The following DCBLD2 variants were observed in gnomAD, a reference collection of about 807,000 sequenced individuals.
DCBLD2 encodes discoidin, CUB and LCCL domain containing 2, also known as discoidin, CUB and LCCL domain-containing protein 2.
In DCBLD2, 54 loss-of-function variants were observed where a neutral mutation model predicts 86.8. That is an observed-to-expected ratio of 0.62 (90% CI 0.50 to 0.78). DCBLD2 has a LOEUF of 0.78. DCBLD2 is among the 30% of genes least tolerant of loss of function. The pLI is 0.00. For missense variants in DCBLD2, 908 were observed against 954.2 expected (o/e 0.95, Z 0.64); for synonymous variants, 354 against 341.3 (o/e 1.04, Z -0.41).
intron 3 of DCBLD2, among the ~76,000 whole-genome samples, chr3:98,835,987 G>T (rs1942438764): frequency 7.8e-6 from 1 of 127,482 alleles, no homozygotes; most frequent in Non-Finnish European, 1.6e-5. Flanking sequence ...TCACATTGAG[G>T]AGAATCTAAA....
chr3:98,860,969 T>A (rs1205695339), intron 2 of DCBLD2, among the ~76,000 whole-genome samples: 1 of 152,150 alleles, frequency 6.6e-6, no homozygotes, highest in Admixed American at 6.5e-5. Context: ...TGTGCTGTAT[T>A]CAGGAGACCC....
chr3:98,822,108 T>C (rs1942130632), intron 6 of DCBLD2, 120 bp downstream of exon 6: 1 of 1,232,176 alleles, frequency 8.1e-7, no homozygotes, highest in Non-Finnish European at 1.2e-6. Flanking sequence ...ACTGCCTAAA[T>C]GTTCTTTCAT....
chr3:98,828,926 T>C (rs2107456413), intron 3 of DCBLD2, among the ~76,000 whole-genome samples: 1 of 152,324 alleles, frequency 6.6e-6, no homozygotes, highest in South Asian at 2.1e-4. Context: ...ACATACTATG[T>C]GATACATTTA....
intron 13 of DCBLD2, among the ~76,000 whole-genome samples, chr3:98,802,772 G>A (rs1576153384): frequency 6.6e-6 from 1 of 152,338 alleles, no homozygotes; most frequent in South Asian, 2.1e-4. Context: ...CATATGGCTA[G>A]CCAGTTTTCC....
intron 1 of DCBLD2, 200 bp downstream of exon 1, chr3:98,900,922 A>G: frequency 3.2e-6 from 3 of 945,342 alleles, no homozygotes; most frequent in Non-Finnish European, 4.6e-6. Context: ...CCTTGCCAAA[A>G]AGTAAAGCCG....
chr3:98,836,877 A>AC lies in DCBLD2; in HGVS notation c.572-11512dup, dbSNP rs1329297555. Among the ~76,000 whole-genome samples the AC allele has an allele frequency of 1.2e-3, 27 of 22,092 alleles. 2 individuals are homozygous for AC. The Admixed American group carries it at 0.012, about 10-fold the overall frequency. 14.5% of individuals were successfully genotyped at this position (22,092 alleles called of 152,430 possible). The stretch of plus-strand genomic sequence containing the variant: ...GCGGCTGGCCGGGCGGGGGGCCGAC[A>AC]CCCCCACCTCCCTCCCGGAGGGGGC... On this transcript the variant is annotated intron_variant, in intron 3 of 15. Transcript: ENST00000326840.
intron 2 of DCBLD2, among the ~76,000 whole-genome samples, chr3:98,867,709 T>C (rs1482967284): frequency 6.6e-6 from 1 of 152,132 alleles, no homozygotes; most frequent in East Asian, 1.9e-4. Flanking sequence ...GAGAGTTCAA[T>C]TGTCATCAGA....
At chr3:98,871,117 T>C (rs996621107) in intron 2 of DCBLD2, among the ~76,000 whole-genome samples, 7 of 152,086 alleles carry the variant, frequency 4.6e-5, no homozygotes, top group Non-Finnish European at 1.0e-4. Flanking sequence ...GCAGTAGTAC[T>C]GATGTGTGTA....
At chr3:98,894,856 G>A (rs1023038041) in intron 1 of DCBLD2, among the ~76,000 whole-genome samples, 10 of 152,052 alleles carry the variant, frequency 6.6e-5, no homozygotes, top group African/African-American at 2.4e-4. Context: ...ATAAGTATTA[G>A]AAATAAGAAA....
In DCBLD2 at chr3:98,797,542, CAT is replaced by C. The variant is rs1391549052; in HGVS notation, c.*1828_*1829del. The C allele has an allele frequency of 3.3e-5, 5 of 152,368 alleles. No individual in the cohort carries two copies. Among genetic ancestry groups the C allele is most frequent in the Non-Finnish European group, 7.4e-5 (5 of 67,992 alleles). 9.4% of individuals were successfully genotyped at this position (152,368 alleles called of 1,614,324 possible). On this transcript the variant is annotated 3_prime_UTR_variant, in exon 16 of 16. Transcript: ENST00000326840. ...CATTAATATATGTGCTTTCCACATC[CAT>C]ATATGTTTTAATAAAAGTCTACCAT...
chr3:98,800,214 T>A (rs1310997314), intron 15 of DCBLD2, among the ~76,000 whole-genome samples: 2 of 152,188 alleles, frequency 1.3e-5, no homozygotes, highest in Admixed American at 1.3e-4. Context: ...ATTTCAGAGA[T>A]TTTTTTCAAA....
intron 11 of DCBLD2, 50 bp from the exon 12 acceptor site, chr3:98,811,369 A>T: frequency 6.2e-7 from 1 of 1,611,956 alleles, no homozygotes; most frequent in Non-Finnish European, 8.5e-7. Flanking sequence ...TACCAACTTG[A>T]TTAACATAAA....
At chr3:98,802,820 T>G (rs1174505999) in intron 13 of DCBLD2, among the ~76,000 whole-genome samples, 3 of 152,192 alleles carry the variant, frequency 2.0e-5, no homozygotes, top group East Asian at 1.9e-4. Context: ...TTTCCCCAGT[T>G]CTTGTTTTTG....
intron 3 of DCBLD2, among the ~76,000 whole-genome samples, chr3:98,843,725 AT>A (rs1942663493): frequency 6.6e-6 from 1 of 152,146 alleles, no homozygotes; most frequent in Non-Finnish European, 1.5e-5. Flanking sequence ...AAATGGGAAT[AT>A]TTTCCAGGCT....
At chr3:98,861,331 A>T (rs1576187679) in intron 2 of DCBLD2, among the ~76,000 whole-genome samples, 1 of 152,214 alleles carries the variant, frequency 6.6e-6, no homozygotes, top group South Asian at 2.1e-4. Flanking sequence ...AAAGAAAGTT[A>T]ACAGGGATAT....
intron 3 of DCBLD2, among the ~76,000 whole-genome samples, chr3:98,847,601 T>G (rs1942750206): frequency 6.6e-6 from 1 of 152,200 alleles, no homozygotes; most frequent in African/African-American, 2.4e-5. Context: ...CGTGTTTATC[T>G]CAAGCCCACC....
chr3:98,882,393 T>C (rs1282139011), intron 1 of DCBLD2, among the ~76,000 whole-genome samples: 1 of 152,118 alleles, frequency 6.6e-6, no homozygotes, highest in Admixed American at 6.5e-5. Context: ...TGAACCAAAA[T>C]ATCTGTGAGA....
At chr3:98,896,979 T>C (rs1430156111) in intron 1 of DCBLD2, among the ~76,000 whole-genome samples, 1 of 152,244 alleles carries the variant, frequency 6.6e-6, no homozygotes, top group African/African-American at 2.4e-5. Flanking sequence ...CTTCCCAGTG[T>C]CACTTTGCTA....
chr3:98,881,602 T>A lies in DCBLD2; in HGVS notation c.371A>T (p.Asp124Val), dbSNP rs1559798511. ...KFGDFDIEDS[D>V]SCHFNYLRIY... ...TCTCAAGTAATTAAAGTGACAAGAA[T>A]CAGAATCTTCAATGTCAAAGTCACC... Residue 124 changes from aspartate (D) to valine (V), a missense_variant, in exon 2 of 16, where the codon GAT (aspartate) becomes GTT (valine). By Grantham distance (152) the Asp-to-Val change is radical. Transcript: ENST00000326840. The A allele has an allele frequency of 6.2e-7, 1 of 1,613,924 alleles. No homozygotes were observed. Among genetic ancestry groups the A allele is most frequent in the Non-Finnish European group, 8.5e-7 (1 of 1,179,874 alleles).
Sources: allele counts gnomAD v4.1 joint callset (sites outside exome capture counted in the v4.1 genomes callset), GRCh38; gene constraint gnomAD v4.1.1; transcripts MANE v1.5; gene names NCBI Gene and HGNC (gene_info 2026-07-23, HGNC 2026-07-21).